The following ADD1 variants were observed in gnomAD, a reference collection of about 807,000 sequenced individuals.
ADD1 encodes the protein adducin 1, also known as alpha-adducin.
A neutral mutation model predicts 80.5 loss-of-function variants in ADD1; 24 were observed. The ratio of observed to expected loss-of-function variants is 0.30; its 90% CI spans 0.22 to 0.42. The LOEUF is 0.42. ADD1 is among the 10% of genes least tolerant of loss of function. The pLI, the probability that ADD1 is intolerant of heterozygous loss-of-function variation, is 1.00. For synonymous variants in ADD1, 373 were observed against 393.8 expected (o/e 0.95, Z 0.63); for missense variants, 948 against 1,019.0 (o/e 0.93, Z 0.95).
chr4:2,906,276 C>T (rs1444712849), intron 10 of ADD1, among the ~76,000 whole-genome samples: 1 of 152,116 alleles, frequency 6.6e-6, no homozygotes, highest in Non-Finnish European at 1.5e-5. Context: ...GAGTGCGTCT[C>T]TCCTCTTCTT....
At chr4:2,881,726 T>G in intron 2 of ADD1, 172 bp from the exon 3 acceptor site, 1 of 456,226 alleles carries the variant, frequency 2.2e-6, no homozygotes, top group South Asian at 5.8e-5. Context: ...TAAATTACTT[T>G]CTAGAAAAGA....
chr4:2,902,637 G>C (rs1377148753), intron 9 of ADD1: 2 of 152,252 alleles, frequency 1.3e-5, no homozygotes, highest in African/African-American at 4.8e-5. Flanking sequence ...GGCTGAGGTA[G>C]AAGAAGCACT....
At chr4:2,859,812 T>A (rs572208897) in intron 1 of ADD1, among the ~76,000 whole-genome samples, 2 of 152,350 alleles carry the variant, frequency 1.3e-5, no homozygotes, top group African/African-American at 4.8e-5. Flanking sequence ...AGACACATTG[T>A]TTGCTGCCAT....
chr4:2,892,097 G>A (rs1372276317), intron 4 of ADD1, among the ~76,000 whole-genome samples: 1 of 152,106 alleles, frequency 6.6e-6, no homozygotes, highest in Non-Finnish European at 1.5e-5. Flanking sequence ...GAATAAATGA[G>A]GGAGGCTGGG....
rs909556788 is a variant in ADD1, at chr4:2,854,637, C to T, written c.-21+10613C>T. Among the ~76,000 whole-genome samples the T allele has an allele frequency of 5.9e-5, 9 of 152,134 alleles. 1 individual carries two copies. Among genetic ancestry groups the T allele is most frequent in the Admixed American group, 2.0e-4 (3 of 15,286 alleles). ...CTTAGGTTTATGGCCTTTTCCATTC[C>T]GAATAAATGCTTTTATTTTCTTGGT... On this transcript the variant is annotated intron_variant, in intron 1 of 15. Coordinates refer to ENST00000683351, the MANE Select transcript of ADD1 (RefSeq NM_001354761.2).
intron 14 of ADD1, among the ~76,000 whole-genome samples, chr4:2,919,650 G>T (rs1330363997): frequency 3.3e-5 from 5 of 152,124 alleles, no homozygotes; most frequent in Non-Finnish European, 7.3e-5. Flanking sequence ...TTCTCTGATG[G>T]TAGTTCGTAT....
At chr4:2,861,742 A>G (rs1451437558) in intron 1 of ADD1, among the ~76,000 whole-genome samples, 1 of 152,068 alleles carries the variant, frequency 6.6e-6, no homozygotes, top group Non-Finnish European at 1.5e-5. Flanking sequence ...TTTTAAATCT[A>G]TCTAGGTGGC....
intron 10 of ADD1, chr4:2,905,862 A>T (rs1328190305): frequency 6.6e-6 from 1 of 152,208 alleles, no homozygotes; most frequent in Non-Finnish European, 1.5e-5. Flanking sequence ...TGGTGCTGAG[A>T]CCTCCTCTGA....
At chr4:2,892,784 G>GATT (rs1348922747) in intron 4 of ADD1, among the ~76,000 whole-genome samples, 1 of 151,144 alleles carries the variant, frequency 6.6e-6, no homozygotes, top group Non-Finnish European at 1.5e-5. Context: ...CAGTGAGCAT[G>GATT]ATTGCGCCAC....
chr4:2,909,647 C>T (rs1408355802), intron 13 of ADD1, among the ~76,000 whole-genome samples: 3 of 152,072 alleles, frequency 2.0e-5, no homozygotes, highest in African/African-American at 7.2e-5. Flanking sequence ...TTCCAGCATT[C>T]GAAGTTGTTA....
intron 1 of ADD1, among the ~76,000 whole-genome samples, chr4:2,861,147 A>C (rs1372334738): frequency 6.6e-6 from 1 of 152,194 alleles, no homozygotes; most frequent in Non-Finnish European, 1.5e-5. Context: ...CTGAGGCAGG[A>C]AGGGGCTGGG....
intron 14 of ADD1, among the ~76,000 whole-genome samples, chr4:2,915,984 C>T (rs555441918): frequency 3.3e-5 from 5 of 152,140 alleles, no homozygotes; most frequent in African/African-American, 4.8e-5. Context: ...GATGTCCTGC[C>T]GTGGTCCCAT....
At chr4:2,856,851 G>A (rs1217869616) in intron 1 of ADD1, among the ~76,000 whole-genome samples, 5 of 151,026 alleles carry the variant, frequency 3.3e-5, no homozygotes, top group Non-Finnish European at 4.4e-5. Flanking sequence ...TTGGCCTCCC[G>A]AAGTGCTGGA....
At chr4:2,866,725 A>G (rs1309292920) in intron 1 of ADD1, among the ~76,000 whole-genome samples, 1 of 152,166 alleles carries the variant, frequency 6.6e-6, no homozygotes, top group East Asian at 1.9e-4. Flanking sequence ...CTTGGCATTG[A>G]GAGTGAGTAG....
chr4:2,858,431 C>T (rs1441982747), intron 1 of ADD1, among the ~76,000 whole-genome samples: 7 of 152,092 alleles, frequency 4.6e-5, no homozygotes, highest in Non-Finnish European at 7.3e-5. Flanking sequence ...CCTAAGGTTA[C>T]GCGGTTTAGT....
chr4:2,916,821 T>C (rs1015375885), intron 14 of ADD1, among the ~76,000 whole-genome samples: 1 of 152,220 alleles, frequency 6.6e-6, no homozygotes, highest in African/African-American at 2.4e-5. Flanking sequence ...TTGCTGAGAA[T>C]GATGGTTTCC....
intron 14 of ADD1, among the ~76,000 whole-genome samples, chr4:2,918,498 A>G (rs538016075): frequency 4.6e-5 from 7 of 152,230 alleles, no homozygotes; most frequent in Non-Finnish European, 7.4e-5. Context: ...ATTTGAATAC[A>G]CTATATTTTT....
intron 1 of ADD1, chr4:2,844,888 A>T (rs1725940153): frequency 6.6e-6 from 1 of 152,180 alleles, no homozygotes; most frequent in Non-Finnish European, 1.5e-5. Context: ...CTTAATGGGG[A>T]TAGGAAATAG....
At chr4:2,924,722 G>A (rs1740682561) in intron 14 of ADD1, among the ~76,000 whole-genome samples, 2 of 152,146 alleles carry the variant, frequency 1.3e-5, no homozygotes, top group Non-Finnish European at 2.9e-5. Flanking sequence ...TACTATTCAG[G>A]CCGCCACACA....
Sources: allele counts gnomAD v4.1 joint callset (sites outside exome capture counted in the v4.1 genomes callset), GRCh38; gene constraint gnomAD v4.1.1; transcripts MANE v1.5; gene names NCBI Gene and HGNC (gene_info 2026-07-23, HGNC 2026-07-21).